The following SAMMSON variants were observed in gnomAD, a reference collection of about 807,000 sequenced individuals.
SAMMSON encodes the protein long intergenic non-protein coding RNA 1212.
At chr3:70,420,319 A>G (rs1701301323) in intron 2 of SAMMSON, among the ~76,000 whole-genome samples, 1 of 152,162 alleles carries the variant, frequency 6.6e-6, no homozygotes, top group Non-Finnish European at 1.5e-5. Flanking sequence ...CACAAAGTCA[A>G]AGGAGCTCAC....
intron 2 of SAMMSON, among the ~76,000 whole-genome samples, chr3:70,427,984 T>G (rs1701385033): frequency 6.6e-6 from 1 of 152,140 alleles, no homozygotes. Context: ...AATAAATAAT[T>G]TTATGTTAGT....
intron 6 of SAMMSON, among the ~76,000 whole-genome samples, chr3:70,266,855 A>G (rs1168831554): frequency 6.6e-6 from 1 of 152,224 alleles, no homozygotes; most frequent in Admixed American, 6.5e-5. Flanking sequence ...GAACACCATT[A>G]AGGGAGAAGT....
chr3:70,345,760 T>TG (rs1431763755), intron 7 of SAMMSON, among the ~76,000 whole-genome samples: 2 of 92,746 alleles, frequency 2.2e-5, no homozygotes, highest in Admixed American at 2.5e-4. Flanking sequence ...CTTTTCAGAC[T>TG]GTTTTTTTTA....
At chr3:70,282,613 CTT>C (rs1296880182) in intron 6 of SAMMSON, among the ~76,000 whole-genome samples, 1 of 152,118 alleles carries the variant, frequency 6.6e-6, no homozygotes, top group Admixed American at 6.5e-5. Context: ...GCTGGAAATC[CTT>C]TCTTTCTAGA....
intron 3 of SAMMSON, chr3:70,014,151 T>G (rs1191940800): frequency 6.6e-6 from 1 of 152,172 alleles, no homozygotes; most frequent in Non-Finnish European, 1.5e-5. Flanking sequence ...TTAAGACCCT[T>G]ACTATCTACT....
At chr3:70,125,392 A>C (rs2067452656) in intron 4 of SAMMSON, 1 of 1,417,728 alleles carries the variant, frequency 7.1e-7, no homozygotes, top group African/African-American at 1.4e-5. Context: ...AACTTCTGAA[A>C]ACTGAAAGTG....
At chr3:70,344,750 A>C (rs1216561166) in intron 7 of SAMMSON, among the ~76,000 whole-genome samples, 1 of 152,038 alleles carries the variant, frequency 6.6e-6, no homozygotes, top group African/African-American at 2.4e-5. Flanking sequence ...AATGGGTTTG[A>C]GTGTGAACGG....
intron 4 of SAMMSON, among the ~76,000 whole-genome samples, chr3:70,132,899 A>G (rs2067488536): frequency 6.6e-6 from 1 of 152,194 alleles, no homozygotes; most frequent in South Asian, 2.1e-4. Flanking sequence ...ATAAAGGCAA[A>G]TGTACATTCC....
intron 4 of SAMMSON, among the ~76,000 whole-genome samples, chr3:70,118,417 C>T (rs535108478): frequency 7.2e-5 from 11 of 152,208 alleles, no homozygotes; most frequent in African/African-American, 2.2e-4. Flanking sequence ...CTGTTAGAAT[C>T]TTTTTTCCCC....
chr3:70,100,444 G>A (rs921516927), intron 4 of SAMMSON, among the ~76,000 whole-genome samples: 35 of 150,530 alleles, frequency 2.3e-4, no homozygotes, highest in African/African-American at 7.3e-5. Context: ...CACCATACCC[G>A]GCCCATCATA....
rs190018320 is a variant in SAMMSON, at chr3:70,078,746, A to G, written n.507+7181A>G. On this transcript the variant is annotated intron_variant and non_coding_transcript_variant, in intron 4 of 9. Coordinates refer to ENST00000642114, the Ensembl canonical transcript of SAMMSON. ...GGCCAGGCCCAGAGTAAAGCAATAC[A>G]GGCACCCATGGCACAAAACTTAAGT... Among the ~76,000 whole-genome samples the G allele has an allele frequency of 2.0e-5, 3 of 152,284 alleles. No homozygotes were observed. The East Asian group carries it at 5.8e-4, about 29-fold the overall frequency.
At chr3:70,118,010 C>A (rs751119139) in intron 4 of SAMMSON, among the ~76,000 whole-genome samples, 1 of 152,106 alleles carries the variant, frequency 6.6e-6, no homozygotes, top group Non-Finnish European at 1.5e-5. Flanking sequence ...CTCCACCTCC[C>A]GGGTTCACAC....
chr3:70,256,352 A>G (rs114869942), intron 6 of SAMMSON, among the ~76,000 whole-genome samples: 3,564 of 152,296 alleles, frequency 0.023, 152 homozygotes, highest in African/African-American at 0.081. Flanking sequence ...AATCTTCCCT[A>G]TGATGATCTA....
At chr3:70,146,578 T>C (rs1046396922) in intron 4 of SAMMSON, among the ~76,000 whole-genome samples, 2 of 151,992 alleles carry the variant, frequency 1.3e-5, no homozygotes, top group Non-Finnish European at 1.5e-5. Flanking sequence ...AATATATCAA[T>C]TGATGCAGAA....
intron 7 of SAMMSON, among the ~76,000 whole-genome samples, chr3:70,350,853 G>A (rs548948577): frequency 3.9e-5 from 6 of 152,172 alleles, no homozygotes; most frequent in African/African-American, 1.4e-4. Flanking sequence ...TTTCTAAGGA[G>A]GTGACATTGA....
chr3:70,346,350 C>T (rs1378210032), intron 7 of SAMMSON, among the ~76,000 whole-genome samples: 2 of 142,294 alleles, frequency 1.4e-5, no homozygotes, highest in Non-Finnish European at 1.5e-5. Context: ...TATATAAAAA[C>T]TCATCACCCA....
intron 3 of SAMMSON, among the ~76,000 whole-genome samples, chr3:70,066,137 A>G (rs948377954): frequency 1.3e-5 from 2 of 152,136 alleles, no homozygotes; most frequent in South Asian, 4.1e-4. Flanking sequence ...AAGTTAGGCA[A>G]GAAAATCTAG....
chr3:70,155,124 C>G (rs1050201356), intron 4 of SAMMSON, among the ~76,000 whole-genome samples: 1 of 151,800 alleles, frequency 6.6e-6, no homozygotes, highest in Non-Finnish European at 1.5e-5. Context: ...TCTCAAAATG[C>G]TATAATAGGT....
intron 3 of SAMMSON, among the ~76,000 whole-genome samples, chr3:70,054,640 A>G (rs1365427980): frequency 6.6e-6 from 1 of 152,104 alleles, no homozygotes; most frequent in South Asian, 2.1e-4. Flanking sequence ...ATGAGTTTCT[A>G]TCATCCAAAA....
Sources: gnomAD v4.1 joint callset for allele counts (sites outside exome capture counted in the v4.1 genomes callset) on GRCh38, gnomAD v4.1.1 for gene constraint, MANE v1.5 for transcripts, NCBI Gene and HGNC (gene_info 2026-07-23, HGNC 2026-07-21) for gene names.